GREB1L: variants seen among roughly 807,000 people sequenced by gnomAD.
GREB1L encodes GREB1 like retinoic acid receptor coactivator.
In GREB1L, 17 loss-of-function variants were observed where a neutral mutation model predicts 200.8. The observed-to-expected ratio is 0.08, with a 90% CI of 0.06 to 0.13. The LOEUF (loss-of-function observed/expected upper bound fraction) is 0.13. Among genes scored for constraint, GREB1L ranks in the 10% least tolerant of loss-of-function variants. The pLI, the probability that GREB1L is intolerant of heterozygous loss-of-function variation, is 1.00. For synonymous variants in GREB1L, 789 were observed against 893.0 expected (o/e 0.88, Z 2.08); for missense variants, 1,657 against 2,367.7 (o/e 0.70, Z 6.23).
At chr18:21,415,859 T>C (rs2031580341) in intron 7 of GREB1L, among the ~76,000 whole-genome samples, 1 of 152,168 alleles carries the variant, frequency 6.6e-6, no homozygotes, top group South Asian at 2.1e-4. Context: ...CCAAATAATT[T>C]AACTGTATAC....
chr18:21,387,738 A>G (rs2040604710), intron 4 of GREB1L, among the ~76,000 whole-genome samples: 1 of 152,252 alleles, frequency 6.6e-6, no homozygotes, highest in African/African-American at 2.4e-5. Context: ...ACTATTAATC[A>G]GACATATTTC....
At chr18:21,463,830 C>T (rs374392524) in intron 15 of GREB1L, among the ~76,000 whole-genome samples, 25 of 152,174 alleles carry the variant, frequency 1.6e-4, no homozygotes, top group African/African-American at 5.8e-4. Context: ...TAGGTTTGGG[C>T]TTGTAACACC....
chr18:21,505,309 T>C, intron 23 of GREB1L, 103 bp from the exon 24 acceptor site: 1 of 1,054,832 alleles, frequency 9.5e-7, no homozygotes, highest in Non-Finnish European at 1.4e-6. Flanking sequence ...GAAATGCCTT[T>C]GTCCACCCAT....
rs1400593698 is a variant in GREB1L, at chr18:21,495,656, G to A, written c.3031-14G>A. ...TGAGAGTTTTAATTTTAACATACGG[G>A]TCTCTTTCTGTAGAGTTGGAGAGGA... is the stretch of plus-strand genomic sequence containing the variant. On this transcript the variant is annotated splice_polypyrimidine_tract_variant and intron_variant, in intron 19 of 32. Coordinates refer to ENST00000424526, the MANE Select transcript of GREB1L (RefSeq NM_001142966.3). 7.6e-6 allele frequency: 10 copies of A among 1,308,926 alleles called. No homozygotes were observed. The highest frequency in any genetic ancestry group is 9.6e-6 in the Non-Finnish European group (9 of 934,338). The allele number at this position is 1,308,926 out of a possible 1,614,324, so 81.1% of individuals were successfully genotyped here. A position where few individuals can be genotyped will look rare whatever the true frequency, so the allele number is the denominator to read the frequency against.
At chr18:21,372,146 C>CTTTTTTTTTTTTTTTTTTTTTTTTTTT (rs1428080234) in intron 2 of GREB1L, among the ~76,000 whole-genome samples, 1 of 150,396 alleles carries the variant, frequency 6.6e-6, no homozygotes, top group African/African-American at 2.5e-5. Flanking sequence ...ACAAATTTGT[C>CTTTTTTTTTTTTTTTTTTTTTTTTTTT]TCTCTTTTTT....
chr18:21,282,239 A>G (rs990709036), intron 1 of GREB1L, among the ~76,000 whole-genome samples: 4 of 152,202 alleles, frequency 2.6e-5, no homozygotes, highest in Non-Finnish European at 5.9e-5. Flanking sequence ...GAGCCACTGC[A>G]TTCCAGCCTG....
At chr18:21,439,719 G>A in intron 8 of GREB1L, 82 bp downstream of exon 8, 1 of 881,804 alleles carries the variant, frequency 1.1e-6, no homozygotes, top group Non-Finnish European at 1.8e-6. Flanking sequence ...GAATTATCTG[G>A]CAACACACTC....
At chr18:21,326,083 G>T (rs2039018556) in intron 1 of GREB1L, among the ~76,000 whole-genome samples, 1 of 152,068 alleles carries the variant, frequency 6.6e-6, no homozygotes, top group African/African-American at 2.4e-5. Flanking sequence ...CAGGGAATTG[G>T]TTAATAAATG....
chr18:21,448,108 G>A (rs1326227849), intron 11 of GREB1L, among the ~76,000 whole-genome samples: 1 of 150,228 alleles, frequency 6.7e-6, no homozygotes, highest in East Asian at 2.0e-4. Flanking sequence ...GTTGCAGTGA[G>A]CCGAGATCGC....
chr18:21,438,323 T>C (rs1047527806), intron 7 of GREB1L, among the ~76,000 whole-genome samples: 6 of 152,140 alleles, frequency 3.9e-5, no homozygotes, highest in South Asian at 2.1e-4. Flanking sequence ...ATTTTAAGTA[T>C]AGCAATGATA....
chr18:21,319,264 A>T (rs895833265), intron 1 of GREB1L, among the ~76,000 whole-genome samples: 2 of 152,230 alleles, frequency 1.3e-5, no homozygotes, highest in African/African-American at 4.8e-5. Flanking sequence ...AAGGGGAAAC[A>T]TATTTCCTAG....
intron 23 of GREB1L, 78 bp from the exon 24 acceptor site, chr18:21,505,334 C>A: frequency 7.4e-7 from 1 of 1,348,062 alleles, no homozygotes; most frequent in Non-Finnish European, 1.0e-6. Context: ...GCTCTACGTC[C>A]CATAAAAGCC....
rs1038716678 is a variant in GREB1L at position 21,500,683 on chromosome 18, CAA to C, written c.4072+43_4072+44del. 3.7e-6 allele frequency: 5 copies of C among 1,358,030 alleles called. No homozygotes were observed. In the East Asian group the frequency reaches 1.0e-4, roughly 28 times the overall value. The allele number at this position is 1,358,030 out of a possible 1,614,324, so 84.1% of individuals were successfully genotyped here. On this transcript the variant is annotated intron_variant, in intron 23 of 32. Transcript: ENST00000424526. ...AGGGAGTGGGCAGAGGGGCAAGAGA[CAA>C]AGACATTGAATTGCAAATCCCGGGA...
intron 1 of GREB1L, among the ~76,000 whole-genome samples, chr18:21,364,395 T>C (rs2039628711): frequency 6.6e-6 from 1 of 151,654 alleles, no homozygotes; most frequent in African/African-American, 2.4e-5. Flanking sequence ...TCCTGGCTAA[T>C]ACAAAGTCCC....
chr18:21,484,323 C>T (rs1003452172), intron 17 of GREB1L, among the ~76,000 whole-genome samples: 5 of 150,976 alleles, frequency 3.3e-5, no homozygotes, highest in African/African-American at 7.4e-5. Flanking sequence ...TGTAGGCACC[C>T]GCCACCACGC....
At chr18:21,271,676 C>T (rs1163406470) in intron 1 of GREB1L, among the ~76,000 whole-genome samples, 1 of 149,004 alleles carries the variant, frequency 6.7e-6, no homozygotes, top group Admixed American at 6.7e-5. Flanking sequence ...AAAAAGAATG[C>T]ATTTATTATG....
At chr18:21,362,356 G>A (rs2039593374) in intron 1 of GREB1L, among the ~76,000 whole-genome samples, 1 of 152,078 alleles carries the variant, frequency 6.6e-6, no homozygotes, top group Non-Finnish European at 1.5e-5. Context: ...TGGAAAGTGG[G>A]GAGGAGAGGA....
intron 1 of GREB1L, among the ~76,000 whole-genome samples, chr18:21,297,246 C>T (rs1407064045): frequency 2.0e-5 from 3 of 152,106 alleles, no homozygotes; most frequent in African/African-American, 7.2e-5. Context: ...TTGCAGAGGG[C>T]CTGATTACCT....
At chr18:21,244,191 C>T (rs529745991) in intron 1 of GREB1L, among the ~76,000 whole-genome samples, 1 of 151,988 alleles carries the variant, frequency 6.6e-6, no homozygotes, top group East Asian at 1.9e-4. Context: ...AATATCTCCT[C>T]CTGCACACAC....
Sources: gnomAD v4.1 joint callset for allele counts (sites outside exome capture counted in the v4.1 genomes callset) on GRCh38, gnomAD v4.1.1 for gene constraint, MANE v1.5 for transcripts, NCBI Gene and HGNC (gene_info 2026-07-23, HGNC 2026-07-21) for gene names.